The following APBB2 variants were observed in gnomAD, a reference collection of about 807,000 sequenced individuals.
The protein encoded by APBB2 is Fe65-like 1.
APBB2 carries 38 observed loss-of-function variants against 82.5 expected under a neutral mutation model. The observed-to-expected ratio is 0.46, with a 90% CI of 0.36 to 0.60. APBB2 has a LOEUF of 0.60. Among genes scored for constraint, APBB2 ranks in the 20% least tolerant of loss-of-function variants. APBB2 has a pLI of 0.00. For missense variants in APBB2, 772 were observed against 972.3 expected (o/e 0.79, Z 2.74); for synonymous variants, 341 against 368.2 (o/e 0.93, Z 0.85).
intron 3 of APBB2, among the ~76,000 whole-genome samples, chr4:41,093,138 G>C (rs1293931941): frequency 6.6e-6 from 1 of 152,182 alleles, no homozygotes; most frequent in Non-Finnish European, 1.5e-5. Flanking sequence ...AGAAACCCCA[G>C]AGTTTTTCAA....
In APBB2 at chr4:40,827,179, C is replaced by T. The variant is rs370105895; in HGVS notation, c.1685G>A (p.Ser562Asn). ...CACATTGGCCCTTTCCTGTAAGGAGCTGCAGGCCAGCGCTTTGGCATTCTT... is the reference window on the plus strand; with the variant it reads ...CACATTGGCCCTTTCCTGTAAGGAGTTGCAGGCCAGCGCTTTGGCATTCTT... ...ERKNAKALAC[S>N]SLQERANVNL... Residue 562 changes from serine (S) to asparagine (N), a missense_variant, in exon 14 of 18, where the codon AGC becomes AAC. By Grantham distance (46) the Ser-to-Asn change is conservative (BLOSUM62 1). Transcript: ENST00000508593. The T allele has an allele frequency of 6.2e-7, 1 of 1,614,206 alleles. No individual in the cohort carries two copies. The highest frequency in any genetic ancestry group is 1.3e-5 in the African/African-American group (1 of 75,060).
At position 40,826,084 on chromosome 4, in the gene APBB2, T is replaced by C; in HGVS notation, c.1733-114A>G. 1.3e-6 allele frequency: 1 copy of C among 773,918 alleles called. No individual in the cohort carries two copies. The allele number at this position is 773,918 out of a possible 1,614,324, so 47.9% of individuals were successfully genotyped here. A position where few individuals can be genotyped will look rare whatever the true frequency, so the allele number is the denominator to read the frequency against. ...GGACACGCCCTGTGCCATAACGCCC[T>C]ATGTTTCTGGATGTAAATGTAACAA... On this transcript the variant is annotated intron_variant, in intron 14 of 17. Transcript: ENST00000508593. This position sits in a 1 kb window ranked among gnomAD's most constrained non-coding sequence, Gnocchi z 4.5.
chr4:40,879,256 A>G (rs1251829292), intron 12 of APBB2, among the ~76,000 whole-genome samples: 1 of 150,830 alleles, frequency 6.6e-6, no homozygotes, highest in Non-Finnish European at 1.5e-5. Flanking sequence ...TCACAGAAGC[A>G]GGAACTCTTG....
intron 5 of APBB2, among the ~76,000 whole-genome samples, chr4:41,027,380 T>C (rs1191864372): frequency 1.9e-5 from 1 of 51,328 alleles, no homozygotes; most frequent in African/African-American, 8.9e-5. Flanking sequence ...TATATATATA[T>C]ATATATATAT....
chr4:41,032,297 A>G (rs1354628107), intron 5 of APBB2, among the ~76,000 whole-genome samples: 1 of 152,200 alleles, frequency 6.6e-6, no homozygotes, highest in Admixed American at 6.5e-5. Context: ...GAAGTCCTAT[A>G]TGATGTTTAA....
At chr4:40,900,422 C>A (rs949844433) in intron 10 of APBB2, among the ~76,000 whole-genome samples, 1 of 150,224 alleles carries the variant, frequency 6.7e-6, no homozygotes, top group African/African-American at 2.5e-5. Context: ...TACACTGAGG[C>A]ACAAACATGG....
At chr4:41,205,717 A>G (rs1447628150) in intron 1 of APBB2, among the ~76,000 whole-genome samples, 1 of 152,182 alleles carries the variant, frequency 6.6e-6, no homozygotes, top group East Asian at 1.9e-4. Flanking sequence ...CTAAAAATAA[A>G]AATACTCGTT....
At chr4:40,821,806 A>C (rs1043137632) in intron 17 of APBB2, 65 bp downstream of exon 17, 9 of 1,566,014 alleles carry the variant, frequency 5.7e-6, no homozygotes, top group Non-Finnish European at 7.0e-6. Context: ...TTCTGCTATA[A>C]TGTATGGCAT....
chr4:40,992,015 A>C (rs1030040594), intron 6 of APBB2, among the ~76,000 whole-genome samples: 1 of 152,096 alleles, frequency 6.6e-6, no homozygotes, highest in Non-Finnish European at 1.5e-5. Context: ...CACCACACAC[A>C]CCACACTCAC....
rs61444455 is a variant in APBB2, at chr4:40,827,962, G to T, written c.1645-743C>A. 1.4e-3 allele frequency among the ~76,000 whole-genome samples: 217 copies of T among 152,096 alleles called. 3 individuals carry two copies. The East Asian group carries it at 0.02, about 14-fold the overall frequency. ...CCCCATACTGTTCTCGTGGTGGTGAGTAAGTCCCACAAGAGCTGATGGTTT... is the reference window on the plus strand; with the variant it reads ...CCCCATACTGTTCTCGTGGTGGTGATTAAGTCCCACAAGAGCTGATGGTTT... On this transcript the variant is annotated intron_variant, in intron 13 of 17. Transcript: ENST00000508593.
chr4:41,014,297 G>GTT lies in APBB2; in HGVS notation c.120_121insAA (p.Leu41AsnfsTer10). The GTT allele has an allele frequency of 2.5e-6, 4 of 1,614,194 alleles. No homozygotes were observed. The highest frequency in any genetic ancestry group is 3.4e-6 in the Non-Finnish European group (4 of 1,180,046). The stretch of plus-strand genomic sequence containing the variant: ...AACAGTTCATTGTGGGAGGATCGGA[G>GTT]GTTAAGGGTGTTTGGTGGTGTGGCT... On this transcript the variant is annotated frameshift_variant, in exon 6 of 18. Transcript: ENST00000508593. LOFTEE classifies it high-confidence loss of function.
At chr4:41,201,000 C>G (rs1293798538) in intron 1 of APBB2, among the ~76,000 whole-genome samples, 1 of 152,148 alleles carries the variant, frequency 6.6e-6, no homozygotes, top group African/African-American at 2.4e-5. Context: ...TGTGCCTCAC[C>G]TTCCCCATCT....
At chr4:40,971,439 T>C (rs1795902631) in intron 6 of APBB2, among the ~76,000 whole-genome samples, 1 of 152,238 alleles carries the variant, frequency 6.6e-6, no homozygotes, top group Non-Finnish European at 1.5e-5. Context: ...ATAATTGAAG[T>C]GAGATCTCTA....
intron 10 of APBB2, among the ~76,000 whole-genome samples, chr4:40,932,204 G>GAT (rs1213681740): frequency 3.9e-5 from 6 of 152,210 alleles, no homozygotes; most frequent in African/African-American, 1.4e-4. Context: ...GGTGGACAGA[G>GAT]ATATTCACTG....
Position 41,014,141 on chromosome 4 carries a change from C to G in APBB2, c.277G>C (p.Gly93Arg), listed in dbSNP as rs749361991. Reference protein sequence around the residue: ...DPAAQPLLGNGSANIKLVKNG... With the variant: ...DPAAQPLLGNRSANIKLVKNG... ...TTCACCAGCTTGATGTTGGCAGAGC[C>G]ATTTCCCAGCAGGGGCTGTGCAGCT... Residue 93 changes from glycine to arginine, a missense_variant, in exon 6 of 18, where the codon GGC becomes CGC. Physicochemically the swap from Gly to Arg is moderately radical, Grantham distance 125. Transcript: ENST00000508593. The G allele has an allele frequency of 1.2e-6, 2 of 1,614,166 alleles. No homozygotes were observed. The highest frequency in any genetic ancestry group is 1.7e-5 in the Admixed American group (1 of 60,022).
At chr4:41,035,345 A>G (rs1045290817) in intron 4 of APBB2, among the ~76,000 whole-genome samples, 3 of 152,198 alleles carry the variant, frequency 2.0e-5, no homozygotes, top group Admixed American at 2.0e-4. Context: ...ATATTTTCAC[A>G]AACTGTGGGT....
At chr4:40,886,204 C>T (rs899191359) in intron 12 of APBB2, among the ~76,000 whole-genome samples, 21 of 152,174 alleles carry the variant, frequency 1.4e-4, no homozygotes, top group African/African-American at 3.6e-4. Context: ...TTTGGCTGGG[C>T]GCAGTGGCCC....
intron 12 of APBB2, among the ~76,000 whole-genome samples, chr4:40,864,129 G>C (rs553594385): frequency 6.6e-6 from 1 of 151,620 alleles, no homozygotes; most frequent in Non-Finnish European, 1.5e-5. Context: ...TGGTGGCGCC[G>C]AGTAATCTCA....
intron 10 of APBB2, among the ~76,000 whole-genome samples, chr4:40,930,459 G>A (rs995839709): frequency 6.9e-5 from 9 of 130,676 alleles, no homozygotes; most frequent in African/African-American, 2.6e-4. Flanking sequence ...GCGCGCGCGC[G>A]CGCGCGCGTG....
Sources: allele counts gnomAD v4.1 joint callset (sites outside exome capture counted in the v4.1 genomes callset), GRCh38; gene constraint gnomAD v4.1.1; non-coding constraint Gnocchi (gnomAD v3.1); transcripts MANE v1.5; gene names NCBI Gene and HGNC (gene_info 2026-07-23, HGNC 2026-07-21).